Variants in CFAP61 observed in about 807,000 individuals in gnomAD.
CFAP61 encodes the protein cilia- and flagella-associated protein 61.
Under a neutral mutation model 135.6 loss-of-function variants are expected in CFAP61, and 107 were observed. The observed-to-expected ratio is 0.79, with a 90% CI of 0.67 to 0.93. The LOEUF is 0.93. Ranked by LOEUF, CFAP61 falls within the 40% of genes least tolerant of loss-of-function variation. CFAP61 has a pLI of 0.00. For missense variants in CFAP61, 1,507 were observed against 1,556.2 expected, an observed-to-expected ratio of 0.97 and a Z score of 0.53; for synonymous variants, 575 against 578.5, an observed-to-expected ratio of 0.99 and a Z score of 0.09.
chr20:20,228,802 C>T (rs1471628538), intron 18 of CFAP61, among the ~76,000 whole-genome samples: 15 of 152,158 alleles, frequency 9.9e-5, no homozygotes, highest in Admixed American at 9.8e-4. Context: ...CCTTACTGGC[C>T]CGATCACAAA....
chr20:20,277,254 C>G lies in CFAP61; in HGVS notation c.2592C>G (p.His864Gln). The G allele has an allele frequency of 6.2e-7, 1 of 1,614,034 alleles. No individual in the cohort carries two copies. Residue 864 changes from histidine (H) to glutamine (Q), a missense_variant, in exon 22 of 27, where the codon CAC becomes CAG. Transcript: ENST00000245957. ...LNLGVSGSRI[H>Q]LVQPPPASTI... ...TTGGCGTGAGCGGCAGCCGCATCCA[C>G]CTCGTGCAGCCCCCGCCCGCCTCCA...
intron 9 of CFAP61, among the ~76,000 whole-genome samples, chr20:20,147,152 G>A (rs2051958623): frequency 6.6e-6 from 1 of 152,126 alleles, no homozygotes; most frequent in Non-Finnish European, 1.5e-5. Context: ...ATTGGTTGAT[G>A]GACACTTAGT....
intron 8 of CFAP61, among the ~76,000 whole-genome samples, chr20:20,117,282 T>C (rs1260923298): frequency 1.3e-5 from 2 of 152,146 alleles, no homozygotes; most frequent in Non-Finnish European, 2.9e-5. Context: ...GGGTGGATAT[T>C]GCAGTGAGTT....
At chr20:20,205,351 G>T (rs140425684) in intron 17 of CFAP61, among the ~76,000 whole-genome samples, 50 of 152,288 alleles carry the variant, frequency 3.3e-4, no homozygotes, top group African/African-American at 1.0e-3. Context: ...TGCCAGGAGA[G>T]CAGGTAAATA....
intron 13 of CFAP61, among the ~76,000 whole-genome samples, chr20:20,181,092 A>C (rs913206252): frequency 6.6e-6 from 1 of 151,674 alleles, no homozygotes; most frequent in Non-Finnish European, 1.5e-5. Flanking sequence ...TAATCTCTAC[A>C]ACAAACCCCA....
chr20:20,321,812 G>A (rs2057532540), intron 25 of CFAP61, among the ~76,000 whole-genome samples: 1 of 152,202 alleles, frequency 6.6e-6, no homozygotes, highest in Non-Finnish European at 1.5e-5. Flanking sequence ...CCTCCTCCCA[G>A]AAAGAGTGTA....
intron 13 of CFAP61, among the ~76,000 whole-genome samples, chr20:20,180,440 A>G (rs997988493): frequency 6.6e-6 from 1 of 152,216 alleles, no homozygotes. Flanking sequence ...TGATCATTAG[A>G]GAAATGCAGA....
At chr20:20,092,029 TC>T (rs2047240091) in intron 7 of CFAP61, among the ~76,000 whole-genome samples, 1 of 152,240 alleles carries the variant, frequency 6.6e-6, no homozygotes, top group African/African-American at 2.4e-5. Context: ...TTCAGATTTT[TC>T]TGACAGTCCC....
chr20:20,171,340 C>T (rs1366659260), intron 13 of CFAP61, among the ~76,000 whole-genome samples: 1 of 152,176 alleles, frequency 6.6e-6, no homozygotes, highest in Admixed American at 6.5e-5. Context: ...TGTCCAGGAA[C>T]CGAAGTTCCT....
chr20:20,200,313 G>T (rs1473586002), intron 17 of CFAP61, among the ~76,000 whole-genome samples: 1 of 152,160 alleles, frequency 6.6e-6, no homozygotes, highest in African/African-American at 2.4e-5. Flanking sequence ...AAACAGAGCT[G>T]GCTGCATTCG....
intron 25 of CFAP61, among the ~76,000 whole-genome samples, chr20:20,340,603 G>A (rs935882476): frequency 9.9e-5 from 15 of 152,216 alleles, no homozygotes; most frequent in South Asian, 2.1e-4. Context: ...AGCATGGCCC[G>A]AGAGCACCTG....
chr20:20,129,586 G>A (rs1468375509), intron 8 of CFAP61, among the ~76,000 whole-genome samples: 1 of 148,276 alleles, frequency 6.7e-6, no homozygotes, highest in Admixed American at 6.7e-5. Context: ...TCCTGTACCT[G>A]GATATTTATC....
chr20:20,188,864 C>T (rs1163990106), intron 14 of CFAP61, among the ~76,000 whole-genome samples: 1 of 152,160 alleles, frequency 6.6e-6, no homozygotes, highest in African/African-American at 2.4e-5. Flanking sequence ...TCCCCTGATG[C>T]CTCTACTCAG....
At position 20,290,303 on chromosome 20, in the gene CFAP61, G is replaced by T; in HGVS notation, c.3128G>T (p.Gly1043Val). The T allele has an allele frequency of 1.9e-6, 3 of 1,607,068 alleles. No individual in the cohort carries two copies. Among genetic ancestry groups the T allele is most frequent in the Admixed American group, 3.3e-5 (2 of 60,006 alleles). ...GAAAACTTGCCATCTCTTCTAGGGGGCATTCTTCCTGGGTCTTACCATTAT... is the reference window on the plus strand; with the variant it reads ...GAAAACTTGCCATCTCTTCTAGGGGTCATTCTTCCTGGGTCTTACCATTAT... The part of the protein sequence containing the change: ...PMYKGAKIQG[G>V]ILPGSYHYLH... The change falls in exon 24 of 27, where the codon GGC becomes GTC. Residue 1043 changes from glycine to valine, a missense_variant. Gly to Val is a moderately radical substitution (Grantham distance 109). Coordinates refer to ENST00000245957, the MANE Select transcript of CFAP61 (RefSeq NM_015585.4).
At chr20:20,300,606 TG>T (rs1419135294) in intron 25 of CFAP61, among the ~76,000 whole-genome samples, 2 of 151,830 alleles carry the variant, frequency 1.3e-5, no homozygotes, top group African/African-American at 4.8e-5. Context: ...TTGTTTTTTT[TG>T]TTTTTTTTTT....
At chr20:20,133,393 G>C (rs2050689297) in intron 8 of CFAP61, among the ~76,000 whole-genome samples, 1 of 152,150 alleles carries the variant, frequency 6.6e-6, no homozygotes, top group Non-Finnish European at 1.5e-5. Flanking sequence ...CCTTTAGGAG[G>C]CTATCTTGTA....
intron 25 of CFAP61, among the ~76,000 whole-genome samples, chr20:20,325,508 G>A (rs750933225): frequency 1.4e-4 from 21 of 152,106 alleles, no homozygotes; most frequent in Non-Finnish European, 2.8e-4. Context: ...TAGTCCTTTC[G>A]GACTGGCTTT....
chr20:20,190,531 G>A (rs2055846069), intron 14 of CFAP61, among the ~76,000 whole-genome samples: 2 of 152,142 alleles, frequency 1.3e-5, no homozygotes, highest in African/African-American at 4.8e-5. Flanking sequence ...TCTGACTATA[G>A]TGGTGGATAC....
chr20:20,261,637 CTTCT>C (rs939270320), intron 20 of CFAP61, among the ~76,000 whole-genome samples: 120 of 152,308 alleles, frequency 7.9e-4, no homozygotes, highest in Admixed American at 4.4e-3. Context: ...TGCAATGACA[CTTCT>C]TTGTCTGATT....
Sources: gnomAD v4.1 joint callset for allele counts (sites outside exome capture counted in the v4.1 genomes callset) on GRCh38, gnomAD v4.1.1 for gene constraint, MANE v1.5 for transcripts, NCBI Gene and HGNC (gene_info 2026-07-23, HGNC 2026-07-21) for gene names.